CACNA1S: variants seen among roughly 807,000 people sequenced by gnomAD.
The protein encoded by CACNA1S is calcium voltage-gated channel subunit alpha1 S.
CACNA1S carries 126 observed loss-of-function variants against 207.4 expected under a neutral mutation model. That is an observed-to-expected ratio of 0.61 (90% CI 0.53 to 0.70). The LOEUF is 0.70. Among genes scored for constraint, CACNA1S ranks in the 30% least tolerant of loss-of-function variants. The pLI is 0.00. For missense variants in CACNA1S, 2,349 were observed against 2,422.8 expected, an observed-to-expected ratio of 0.97 and a Z score of 0.64; for synonymous variants, 960 against 932.7, an observed-to-expected ratio of 1.03 and a Z score of -0.53.
intron 2 of CACNA1S, among the ~76,000 whole-genome samples, chr1:201,100,762 A>G (rs1187564871): frequency 1.3e-5 from 2 of 152,110 alleles, no homozygotes; most frequent in Non-Finnish European, 2.9e-5. Flanking sequence ...TGAGGATAAT[A>G]ATAGCTAAGC....
rs1660500176 is a variant in CACNA1S, at chr1:201,047,201, G to A, written c.4582C>T (p.Leu1528Phe). Residue 1528 changes from leucine (L) to phenylalanine (F), a missense_variant, in exon 38 of 44, where the codon CTC (leucine) becomes TTC (phenylalanine). By Grantham distance (22) the Leu-to-Phe change is conservative. Coordinates refer to ENST00000362061, the MANE Select transcript of CACNA1S (RefSeq NM_000069.3). The part of the protein sequence containing the change: ...VTVGKFYATF[L>F]IQEHFRKFMK... ...AACTTCCGGAAGTGCTCCTGGATGA[G>A]GAATGTGGCGTAGAACTTCCCCACT... The A allele has an allele frequency of 6.2e-7, 1 of 1,614,084 alleles. No homozygotes were observed. Among genetic ancestry groups the A allele is most frequent in the Non-Finnish European group, 8.5e-7 (1 of 1,180,038 alleles).
rs560343078 is a variant in CACNA1S at position 201,048,605 on chromosome 1, G to T, written c.4418C>A (p.Thr1473Lys). 6 of 1,613,694 alleles carry T rather than the reference G, an allele frequency of 3.7e-6. No homozygotes were observed. The highest frequency in any genetic ancestry group is 1.7e-6 in the Non-Finnish European group (2 of 1,179,746). Residue 1473 changes from threonine (T) to lysine (K), a missense_variant, in exon 36 of 44, where the codon ACG becomes AAG. Physicochemically the swap from Thr to Lys is moderately conservative, Grantham distance 78. Transcript: ENST00000362061. ...FNATLFALVR[T>K]ALKIKTEGNF... is the part of the protein sequence containing the mutation. ...ACCTTCCGTCTTGATCTTGAGTGCC[G>T]TGCGGACCAGGGCAAAGAGTGTGGC... is the stretch of plus-strand genomic sequence containing the variant.
rs1029871638 is a variant in CACNA1S at position 201,062,444 on chromosome 1, G to T, written c.2906+18C>A. Reference sequence around the variant, plus strand: ...CCCTGCCCCGTGACCGTCCCACTGTGCTCCCTGCCCCATGTACCTGCACTC... The same window carrying T: ...CCCTGCCCCGTGACCGTCCCACTGTTCTCCCTGCCCCATGTACCTGCACTC... On this transcript the variant is annotated intron_variant, in intron 23 of 43. Transcript: ENST00000362061. 1 of 1,612,382 alleles carries T rather than the reference G, an allele frequency of 6.2e-7. No homozygotes were observed. Among genetic ancestry groups the T allele is most frequent in the Non-Finnish European group, 8.5e-7 (1 of 1,178,716 alleles).
At chr1:201,051,372 G>C (rs1004858650) in intron 32 of CACNA1S, among the ~76,000 whole-genome samples, 9 of 152,174 alleles carry the variant, frequency 5.9e-5, no homozygotes, top group African/African-American at 1.4e-4. Context: ...CTAAACTTTA[G>C]AGAAGAGGGC....
In CACNA1S at chr1:201,053,299, T is replaced by C; in HGVS notation, c.3796-25A>G. Reference sequence around the variant, plus strand: ...CCTGCAGGGCGGGCGGGAGCGCCAGTCAGTGTCTTAGGGCTCCACTGTGTG... The same window carrying C: ...CCTGCAGGGCGGGCGGGAGCGCCAGCCAGTGTCTTAGGGCTCCACTGTGTG... On this transcript the variant is annotated intron_variant, in intron 30 of 43. Coordinates refer to ENST00000362061, the MANE Select transcript of CACNA1S (RefSeq NM_000069.3). The surrounding 1 kb of genome is among the most constrained non-coding windows in gnomAD (Gnocchi z 5.1). The C allele has an allele frequency of 1.9e-6, 3 of 1,612,260 alleles. No homozygotes were observed. Among genetic ancestry groups the C allele is most frequent in the Non-Finnish European group, 2.5e-6 (3 of 1,179,230 alleles).
In CACNA1S at chr1:201,040,310, T is replaced by A. The variant is rs565286768; in HGVS notation, c.5291A>T (p.Glu1764Val). 6.2e-7 allele frequency: 1 copy of A among 1,613,818 alleles called. No homozygotes were observed. The highest frequency in any genetic ancestry group is 1.1e-5 in the South Asian group (1 of 91,030). ...RKSSTPGSLH[E>V]ETPHSRSTRE... ...GGTGCTCCTGCTGTGGGGTGTCTCC[T>A]CATGAAGAGACCCTGGTGTGGAGCT... Residue 1764 changes from glutamate (E) to valine (V), a missense_variant, in exon 43 of 44, where the codon GAG becomes GTG. Coordinates refer to ENST00000362061, the MANE Select transcript of CACNA1S (RefSeq NM_000069.3).
intron 1 of CACNA1S, among the ~76,000 whole-genome samples, chr1:201,110,651 C>T (rs1419604236): frequency 6.6e-6 from 1 of 152,224 alleles, no homozygotes; most frequent in Non-Finnish European, 1.5e-5. Flanking sequence ...CTGGCCAATC[C>T]ACAGAGGCTT....
intron 16 of CACNA1S, among the ~76,000 whole-genome samples, chr1:201,072,351 C>T (rs1210677717): frequency 1.3e-5 from 2 of 152,140 alleles, no homozygotes; most frequent in Non-Finnish European, 2.9e-5. Flanking sequence ...CCAGCCCTAC[C>T]AGACACTGGA....
Position 201,077,520 on chromosome 1 carries a change from C to G in CACNA1S, c.1619+359G>C, listed in dbSNP as rs141618374. Among the ~76,000 whole-genome samples the G allele has an allele frequency of 9.2e-5, 14 of 152,068 alleles. No individual in the cohort carries two copies. The East Asian group carries it at 2.7e-3, about 30-fold the overall frequency. ...ACTTCCCTCACCACCTCACAAAGGC[C>G]CTGATAGTCTGTGTTCCTCCTTCTT... On this transcript the variant is annotated intron_variant, in intron 11 of 43. Coordinates refer to ENST00000362061, the MANE Select transcript of CACNA1S (RefSeq NM_000069.3).
rs1195394349 is a variant in CACNA1S at position 201,083,296 on chromosome 1, A to T, written c.1259T>A (p.Ile420Asn). 6.2e-7 allele frequency: 1 copy of T among 1,614,236 alleles called. No homozygotes were observed. The change falls in exon 10 of 44, where the codon ATC (isoleucine) becomes AAC (asparagine). Residue 420 changes from isoleucine to asparagine, a missense_variant. Transcript: ENST00000362061. ...FIRHWRQWNR[I>N]FRWKCHDIVK... ...GATGTCATGGCACTTCCAGCGAAAG[A>T]TGCGGTTCCACTGCCTCCAATGTCG...
At chr1:201,052,474 G>T (rs937602045) in intron 32 of CACNA1S, 83 bp downstream of exon 32, 1 of 1,103,730 alleles carries the variant, frequency 9.1e-7, no homozygotes, top group Non-Finnish European at 1.4e-6. Flanking sequence ...CATGAAGCCA[G>T]CCCTGGCTCC....
intron 7 of CACNA1S, among the ~76,000 whole-genome samples, chr1:201,086,165 G>C (rs559659141): frequency 6.6e-6 from 1 of 152,208 alleles, no homozygotes; most frequent in African/African-American, 2.4e-5. Flanking sequence ...TAGTCTCTGA[G>C]GAGCTGCGCC....
At chr1:201,055,215 G>T (rs1271275999) in intron 28 of CACNA1S, among the ~76,000 whole-genome samples, 1 of 152,344 alleles carries the variant, frequency 6.6e-6, no homozygotes, top group Middle Eastern at 3.4e-3. Flanking sequence ...TGGGTCAAAA[G>T]AAGTCATTGT....
intron 38 of CACNA1S, among the ~76,000 whole-genome samples, chr1:201,046,588 G>C (rs1660479811): frequency 1.3e-5 from 2 of 151,916 alleles, no homozygotes; most frequent in South Asian, 4.1e-4. Context: ...TGTCGCCCAG[G>C]CTGAGGTTCA....
In CACNA1S at chr1:201,070,406, T is replaced by C; in HGVS notation, c.2228-2A>G. ...CAGGCTCATCTTCCTCGTCATCCCC[T>C]GTGGGGAGAGAGAGAGGAATTAGGG... On this transcript the variant is annotated splice_acceptor_variant, in intron 16 of 43. Coordinates refer to ENST00000362061, the MANE Select transcript of CACNA1S (RefSeq NM_000069.3). LOFTEE classifies it high-confidence loss of function. 1 of 1,613,824 alleles carries C rather than the reference T, an allele frequency of 6.2e-7. No individual in the cohort carries two copies.
rs138165996 is a variant in CACNA1S at position 201,091,398 on chromosome 1, AG to A, written c.694+241del. 8.3e-4 allele frequency among the ~76,000 whole-genome samples: 127 copies of A among 152,190 alleles called. 4 individuals carry two copies. The South Asian group carries it at 0.025, about 30-fold the overall frequency. On this transcript the variant is annotated intron_variant, in intron 5 of 43. Coordinates refer to ENST00000362061, the MANE Select transcript of CACNA1S (RefSeq NM_000069.3). ...GAACATACCACATTGTATGTGGGGC[AG>A]GGGGGTGACGGTGTTTCAGAACCAG...
intron 34 of CACNA1S, among the ~76,000 whole-genome samples, chr1:201,049,965 C>A (rs945314019): frequency 6.6e-6 from 1 of 152,168 alleles, no homozygotes; most frequent in African/African-American, 2.4e-5. Flanking sequence ...GCTCTCCAAG[C>A]TTTAAATGCA....
chr1:201,084,266 T>G (rs911313884), intron 9 of CACNA1S, among the ~76,000 whole-genome samples: 1 of 152,142 alleles, frequency 6.6e-6, no homozygotes, highest in Non-Finnish European at 1.5e-5. Context: ...AACCCCATTA[T>G]GTAAAAAATC....
In CACNA1S at chr1:201,040,308, C is replaced by T. The variant is rs1167845313; in HGVS notation, c.5293G>A (p.Glu1765Lys). The change falls in exon 43 of 44, where the codon GAG (glutamate) becomes AAG (lysine). Residue 1765 changes from glutamate to lysine, a missense_variant. Transcript: ENST00000362061. The part of the protein sequence containing the change: ...KSSTPGSLHE[E>K]TPHSRSTREN... The stretch of plus-strand genomic sequence containing the variant: ...CTGGTGCTCCTGCTGTGGGGTGTCT[C>T]CTCATGAAGAGACCCTGGTGTGGAG... 2.5e-6 allele frequency: 4 copies of T among 1,613,782 alleles called. No homozygotes were observed. The East Asian group carries it at 8.9e-5, about 36-fold the overall frequency.
Sources: gnomAD v4.1 joint callset for allele counts (sites outside exome capture counted in the v4.1 genomes callset) on GRCh38, gnomAD v4.1.1 for gene constraint, Gnocchi (gnomAD v3.1) non-coding constraint, MANE v1.5 for transcripts, NCBI Gene and HGNC (gene_info 2026-07-23, HGNC 2026-07-21) for gene names.